ZC3H12B: variants seen among roughly 807,000 people sequenced by gnomAD.
ZC3H12B encodes the protein probable ribonuclease ZC3H12B.
In ZC3H12B, 7 loss-of-function variants were observed where a neutral mutation model predicts 43.9. The ratio of observed to expected loss-of-function variants is 0.16; its 90% CI spans 0.09 to 0.30. ZC3H12B has a LOEUF of 0.30. Ranked by LOEUF, ZC3H12B falls within the 10% of genes least tolerant of loss-of-function variation. ZC3H12B has a pLI of 1.00. For synonymous variants in ZC3H12B, 222 were observed against 241.7 expected (o/e 0.92, Z 0.76); for missense variants, 475 against 670.2 (o/e 0.71, Z 3.22).
At chrX:65,285,316 A>T in the ZC3H12B span, among the ~76,000 whole-genome samples, 2 of 110,100 alleles carry the variant, frequency 1.8e-5, no homozygotes, top group Non-Finnish European at 3.8e-5. Flanking sequence ...TATCATTCTC[A>T]TGCCTTCTAG....
the ZC3H12B span, among the ~76,000 whole-genome samples, chrX:65,219,384 A>T: frequency 1.8e-5 from 2 of 112,110 alleles, no homozygotes; most frequent in Non-Finnish European, 3.8e-5. Context: ...AAGAAAAGTG[A>T]AGTCCAACTT....
chrX:65,257,273 A>T, the ZC3H12B span, among the ~76,000 whole-genome samples: 1 of 112,290 alleles, frequency 8.9e-6, no homozygotes, highest in African/African-American at 3.2e-5. Flanking sequence ...CTATGCAGCC[A>T]TAAAAAAGGA....
At chrX:65,502,336 T>C (rs749823161) in exon 5 of ZC3H12B, 1 of 1,211,463 alleles carries the variant, frequency 8.3e-7, no homozygotes, top group South Asian at 1.8e-5. Flanking sequence ...ATGGCTACTA[T>C]TCAATGTTAG....
chrX:65,207,207 C>A, the ZC3H12B span, among the ~76,000 whole-genome samples: 1 of 106,872 alleles, frequency 9.4e-6, no homozygotes, highest in Non-Finnish European at 1.9e-5. Flanking sequence ...TACTTGCACA[C>A]ACATGTTTAT....
the ZC3H12B span, among the ~76,000 whole-genome samples, chrX:65,355,601 G>A: frequency 4.5e-5 from 5 of 111,518 alleles, no homozygotes; most frequent in Middle Eastern, 4.6e-3. Context: ...AGAGCAATTT[G>A]GGGGTGAGAA....
the ZC3H12B span, among the ~76,000 whole-genome samples, chrX:65,300,515 C>T: frequency 9.0e-6 from 1 of 111,212 alleles, no homozygotes; most frequent in Non-Finnish European, 1.9e-5. Context: ...AAGCCCGGCC[C>T]AAGGAGAGTC....
chrX:65,149,520 C>T, the ZC3H12B span, among the ~76,000 whole-genome samples: 1 of 110,438 alleles, frequency 9.1e-6, no homozygotes, highest in Non-Finnish European at 1.9e-5. Flanking sequence ...AAACCCAGCA[C>T]TTTGGGAGGC....
intron 3 of ZC3H12B, among the ~76,000 whole-genome samples, chrX:65,454,120 T>G (rs1372779820): frequency 8.9e-6 from 1 of 112,417 alleles, no homozygotes; most frequent in Non-Finnish European, 1.9e-5. Context: ...TGCATCTCAC[T>G]GGGGATTGTC....
At chrX:65,093,381 T>C in the ZC3H12B span, among the ~76,000 whole-genome samples, 1 of 111,498 alleles carries the variant, frequency 9.0e-6, no homozygotes, top group African/African-American at 3.3e-5. Context: ...AGGGCCACTG[T>C]CCTCCAGACT....
the ZC3H12B span, among the ~76,000 whole-genome samples, chrX:65,109,273 A>G: frequency 9.0e-6 from 1 of 111,708 alleles, no homozygotes; most frequent in Non-Finnish European, 1.9e-5. Flanking sequence ...TTTCAAAGTT[A>G]TGATTCCATT....
the ZC3H12B span, among the ~76,000 whole-genome samples, chrX:65,173,568 C>A: frequency 8.9e-6 from 1 of 111,740 alleles, no homozygotes; most frequent in African/African-American, 3.2e-5. Flanking sequence ...TTGTCATAAA[C>A]AGCTCTTATT....
chrX:65,149,618 A>G, the ZC3H12B span, among the ~76,000 whole-genome samples: 24,885 of 107,547 alleles, frequency 0.23, 7,139 homozygotes, highest in African/African-American at 0.8. Context: ...AAAAAAATTA[A>G]CTGGGCATGA....
the ZC3H12B span, among the ~76,000 whole-genome samples, chrX:65,148,446 A>G: frequency 1.8e-5 from 2 of 111,635 alleles, no homozygotes; most frequent in African/African-American, 6.5e-5. Context: ...GTCCTGGGGC[A>G]TGCCTAGACC....
chrX:65,053,362 G>GC, the ZC3H12B span, among the ~76,000 whole-genome samples: 1 of 110,074 alleles, frequency 9.1e-6, no homozygotes, highest in African/African-American at 3.3e-5. Flanking sequence ...GCGGTGTTTG[G>GC]TTTTTTTTCC....
At chrX:65,186,510 G>A in the ZC3H12B span, 1 of 105,438 alleles carries the variant, frequency 9.5e-6, no homozygotes, top group Non-Finnish European at 1.9e-5. Context: ...AAAAAAAAGT[G>A]TCAGGAAAAT....
chrX:65,368,798 C>T (rs1408070964), intron 1 of ZC3H12B, 31 bp from the exon 4 acceptor site: 1 of 112,225 alleles, frequency 8.9e-6, no homozygotes, highest in East Asian at 2.8e-4. Context: ...CATAGGTTTG[C>T]CTTCTGCTCA....
intron 2 of ZC3H12B, among the ~76,000 whole-genome samples, chrX:65,389,726 A>C (rs746957796): frequency 8.9e-6 from 1 of 112,400 alleles, no homozygotes; most frequent in African/African-American, 3.2e-5. Flanking sequence ...TGCGTCGCTC[A>C]TGCTGGGAGC....
intron 2 of ZC3H12B, among the ~76,000 whole-genome samples, chrX:65,393,424 T>C (rs2148035804): frequency 9.0e-6 from 1 of 110,947 alleles, no homozygotes; most frequent in East Asian, 2.9e-4. Flanking sequence ...GCATTAGGTA[T>C]TTGTCCTAAT....
intron 2 of ZC3H12B, among the ~76,000 whole-genome samples, chrX:65,378,667 G>A (rs1442953718): frequency 8.9e-6 from 1 of 112,170 alleles, no homozygotes; most frequent in Non-Finnish European, 1.9e-5. Flanking sequence ...GACTCAGAAG[G>A]GTGATTTCTG....
Sources: allele counts gnomAD v4.1 joint callset (sites outside exome capture counted in the v4.1 genomes callset), GRCh38; gene constraint gnomAD v4.1.1; transcripts MANE v1.5; gene names NCBI Gene and HGNC (gene_info 2026-07-23, HGNC 2026-07-21).